Variants in DCT observed in about 807,000 individuals in gnomAD.
The protein encoded by DCT is L-dopachrome tautomerase.
In DCT, 47 loss-of-function variants were observed where a neutral mutation model predicts 53.0. The observed-to-expected ratio is 0.89, with a 90% CI of 0.70 to 1.13. The LOEUF is 1.13. DCT is among the 50% of genes most tolerant of loss of function. The probability of loss-of-function intolerance (pLI) is 0.00; values close to 1 mark genes in which losing one functional copy is unlikely to be tolerated. For missense variants in DCT, 669 were observed against 637.4 expected, an observed-to-expected ratio of 1.05 and a Z score of -0.53; for synonymous variants, 244 against 237.0, an observed-to-expected ratio of 1.03 and a Z score of -0.27.
At chr13:94,491,702 C>T in the DCT span, among the ~76,000 whole-genome samples, 1 of 152,136 alleles carries the variant, frequency 6.6e-6, no homozygotes, top group Non-Finnish European at 1.5e-5. Context: ...AGAAGTGGGT[C>T]ACCATCATAA....
At chr13:94,530,499 G>T in the DCT span, among the ~76,000 whole-genome samples, 130 of 152,132 alleles carry the variant, frequency 8.5e-4, 1 homozygote, top group South Asian at 6.0e-3. Flanking sequence ...GCAAATCAAC[G>T]AACGTAATCC....
the DCT span, among the ~76,000 whole-genome samples, chr13:94,506,177 A>T: frequency 6.6e-6 from 1 of 152,234 alleles, no homozygotes; most frequent in Non-Finnish European, 1.5e-5. Context: ...AACACCAGTG[A>T]CTATCTTTTG....
chr13:94,498,426 G>A, the DCT span, among the ~76,000 whole-genome samples: 1 of 152,214 alleles, frequency 6.6e-6, no homozygotes, highest in African/African-American at 2.4e-5. Flanking sequence ...TTAGGAGGTG[G>A]AGCCTTTGGG....
At chr13:94,451,637 G>T (rs1382179157) in intron 6 of DCT, among the ~76,000 whole-genome samples, 1 of 152,204 alleles carries the variant, frequency 6.6e-6, no homozygotes, top group East Asian at 1.9e-4. Flanking sequence ...AAGACATCTC[G>T]CATAGGGGCC....
At chr13:94,447,106 C>G (rs1249833135) in intron 6 of DCT, among the ~76,000 whole-genome samples, 1 of 152,128 alleles carries the variant, frequency 6.6e-6, no homozygotes, top group Non-Finnish European at 1.5e-5. Context: ...TAAGGTCACA[C>G]AGCTAATATA....
intron 7 of DCT, among the ~76,000 whole-genome samples, chr13:94,442,996 C>T (rs1208243045): frequency 6.6e-6 from 1 of 152,170 alleles, no homozygotes; most frequent in Non-Finnish European, 1.5e-5. Context: ...AAATGTTGTA[C>T]TTTCCTCACC....
the DCT span, among the ~76,000 whole-genome samples, chr13:94,494,610 C>A: frequency 7.9e-5 from 12 of 152,078 alleles, no homozygotes; most frequent in African/African-American, 1.7e-4. Context: ...TCTTCCCTAG[C>A]ACTAAGTTAT....
chr13:94,531,083 G>A, the DCT span, among the ~76,000 whole-genome samples: 1 of 152,112 alleles, frequency 6.6e-6, no homozygotes, highest in African/African-American at 2.4e-5. Context: ...CAACTTACAA[G>A]GGATGTGAAG....
the DCT span, among the ~76,000 whole-genome samples, chr13:94,543,414 C>T: frequency 1.3e-5 from 2 of 152,134 alleles, no homozygotes; most frequent in Admixed American, 1.3e-4. Context: ...TGAACACAGA[C>T]GTGGCTATTG....
the DCT span, among the ~76,000 whole-genome samples, chr13:94,536,355 T>C: frequency 6.6e-6 from 1 of 152,174 alleles, no homozygotes; most frequent in Non-Finnish European, 1.5e-5. Context: ...CAAACATGCC[T>C]GCTAAAGACC....
Position 94,465,661 on chromosome 13 carries a change from A to C in DCT, c.835T>G (p.Phe279Val). The C allele has an allele frequency of 6.2e-7, 1 of 1,613,586 alleles. No homozygotes were observed. Among genetic ancestry groups the C allele is most frequent in the Non-Finnish European group, 8.5e-7 (1 of 1,179,814 alleles). Residue 279 changes from phenylalanine (F) to valine (V), a missense_variant, in exon 4 of 8, where the codon TTC becomes GTC. By Grantham distance (50) the Phe-to-Val change is conservative. Transcript: ENST00000377028. ...DPTLISRNSR[F>V]SSWETVCDSL... The stretch of plus-strand genomic sequence containing the variant: ...TCACAGACAGTTTCCCAGCTGGAGA[A>C]TCTTGAGTTCCGACTAATCAGAGTC...
the DCT span, among the ~76,000 whole-genome samples, chr13:94,544,930 G>C: frequency 3.0e-4 from 46 of 152,140 alleles, no homozygotes; most frequent in African/African-American, 1.1e-3. Flanking sequence ...AATTATAGCA[G>C]CTCGGTCTCA....
intron 6 of DCT, among the ~76,000 whole-genome samples, chr13:94,458,842 T>C (rs772155792): frequency 1.3e-5 from 2 of 151,930 alleles, no homozygotes; most frequent in Non-Finnish European, 2.9e-5. Context: ...AAGCTCAGAA[T>C]TGTAAAATTT....
intron 1 of DCT, among the ~76,000 whole-genome samples, 188 bp from the exon 2 acceptor site, chr13:94,469,233 G>A (rs1189336502): frequency 6.6e-6 from 1 of 152,144 alleles, no homozygotes; most frequent in Non-Finnish European, 1.5e-5. Flanking sequence ...AAGCACTAGA[G>A]GGTTTCCTAG....
chr13:94,541,759 T>C, the DCT span, among the ~76,000 whole-genome samples: 2 of 152,218 alleles, frequency 1.3e-5, no homozygotes, highest in South Asian at 4.1e-4. Context: ...CATTACACTT[T>C]GTATGCTTGT....
At chr13:94,539,012 C>G in the DCT span, among the ~76,000 whole-genome samples, 2 of 152,252 alleles carry the variant, frequency 1.3e-5, no homozygotes, top group East Asian at 3.9e-4. Flanking sequence ...CTTTCAGTCC[C>G]GACCACCACC....
chr13:94,448,701 G>A (rs1204803667), intron 6 of DCT, among the ~76,000 whole-genome samples: 16 of 152,044 alleles, frequency 1.1e-4, no homozygotes, highest in African/African-American at 3.1e-4. Flanking sequence ...TCAGGAGTTC[G>A]AGACCAGCCT....
intron 6 of DCT, among the ~76,000 whole-genome samples, chr13:94,457,008 T>G (rs943015849): frequency 3.3e-5 from 5 of 152,214 alleles, no homozygotes; most frequent in Non-Finnish European, 5.9e-5. Flanking sequence ...CACGTGCCTG[T>G]AATCCCAGCT....
chr13:94,453,457 GTTATT>G (rs929063179), intron 6 of DCT, among the ~76,000 whole-genome samples: 9 of 151,946 alleles, frequency 5.9e-5, no homozygotes, highest in Non-Finnish European at 1.3e-4. Context: ...ATACAACAAT[GTTATT>G]TTATTTTTTT....
Sources: allele counts gnomAD v4.1 joint callset (sites outside exome capture counted in the v4.1 genomes callset), GRCh38; gene constraint gnomAD v4.1.1; transcripts MANE v1.5; gene names NCBI Gene and HGNC (gene_info 2026-07-23, HGNC 2026-07-21).